The following ZNF385D variants were observed in gnomAD, a reference collection of about 807,000 sequenced individuals.
ZNF385D encodes zinc finger protein 659.
Under a neutral mutation model 35.8 loss-of-function variants are expected in ZNF385D, and 15 were observed. The observed-to-expected ratio is 0.42, with a 90% CI of 0.28 to 0.64. The LOEUF (loss-of-function observed/expected upper bound fraction) is 0.64. Ranked by LOEUF, ZNF385D falls within the 30% of genes least tolerant of loss-of-function variation. The pLI, the probability that ZNF385D is intolerant of heterozygous loss-of-function variation, is 0.23. For missense variants in ZNF385D, 474 were observed against 494.6 expected (o/e 0.96, Z 0.39); for synonymous variants, 212 against 186.8 (o/e 1.13, Z -1.10).
intron 2 of ZNF385D, among the ~76,000 whole-genome samples, chr3:22,273,982 T>C (rs1441135075): frequency 2.0e-5 from 3 of 152,054 alleles, no homozygotes; most frequent in Non-Finnish European, 4.4e-5. Context: ...TAGCAAAGTA[T>C]ATTCTGGTAG....
chr3:21,676,431 G>C (rs2066732195), intron 1 of ZNF385D, among the ~76,000 whole-genome samples: 1 of 152,020 alleles, frequency 6.6e-6, no homozygotes, highest in South Asian at 2.1e-4. Context: ...TTAGTCTTTG[G>C]AGAAGATGTA....
intron 2 of ZNF385D, among the ~76,000 whole-genome samples, chr3:22,230,634 A>C (rs1559467064): frequency 6.6e-6 from 1 of 152,192 alleles, no homozygotes. Flanking sequence ...ACCCTACATT[A>C]ATTGTTCAAG....
intron 3 of ZNF385D, among the ~76,000 whole-genome samples, chr3:21,974,434 T>C (rs1446785599): frequency 6.6e-6 from 1 of 152,066 alleles, no homozygotes; most frequent in Non-Finnish European, 1.5e-5. Context: ...CAAAATGGAT[T>C]AAACACTTAA....
chr3:21,464,969 A>C (rs1703424221), intron 4 of ZNF385D, among the ~76,000 whole-genome samples: 1 of 152,158 alleles, frequency 6.6e-6, no homozygotes, highest in South Asian at 2.1e-4. Context: ...TGAGACCATC[A>C]TGTGACCCCA....
intron 2 of ZNF385D, among the ~76,000 whole-genome samples, chr3:22,255,277 C>T (rs1700258308): frequency 6.6e-6 from 1 of 151,320 alleles, no homozygotes; most frequent in Admixed American, 6.6e-5. Flanking sequence ...GTATTCCCCC[C>T]CCCAAAATTG....
intron 3 of ZNF385D, among the ~76,000 whole-genome samples, chr3:22,029,733 G>C (rs539076613): frequency 1.3e-5 from 2 of 152,170 alleles, no homozygotes; most frequent in African/African-American, 4.8e-5. Context: ...TAGTATTTGG[G>C]TTGGGGATTG....
At chr3:22,116,665 G>C (rs1702827455) in intron 3 of ZNF385D, among the ~76,000 whole-genome samples, 1 of 152,042 alleles carries the variant, frequency 6.6e-6, no homozygotes, top group Non-Finnish European at 1.5e-5. Flanking sequence ...ATCACACATA[G>C]TTGATTTGAA....
intron 3 of ZNF385D, among the ~76,000 whole-genome samples, chr3:22,149,562 G>A (rs1223739705): frequency 6.6e-6 from 1 of 152,112 alleles, no homozygotes; most frequent in African/African-American, 2.4e-5. Context: ...ATTTCACCAG[G>A]TACTCAGGTG....
At chr3:22,155,138 T>C (rs961520606) in intron 3 of ZNF385D, among the ~76,000 whole-genome samples, 1 of 152,126 alleles carries the variant, frequency 6.6e-6, no homozygotes, top group Non-Finnish European at 1.5e-5. Context: ...ACACATTGTA[T>C]GAATATATAA....
intron 2 of ZNF385D, among the ~76,000 whole-genome samples, chr3:22,224,788 G>T (rs1698458481): frequency 1.3e-5 from 2 of 152,130 alleles, no homozygotes; most frequent in Non-Finnish European, 2.9e-5. Flanking sequence ...CCCTAAGTTG[G>T]TCCAACTTTC....
intron 3 of ZNF385D, among the ~76,000 whole-genome samples, chr3:21,802,925 A>C (rs920788697): frequency 6.6e-6 from 1 of 152,180 alleles, no homozygotes; most frequent in Non-Finnish European, 1.5e-5. Flanking sequence ...GGAACAAGGA[A>C]AGATGTTGGG....
chr3:22,084,886 C>T (rs1700944599), intron 3 of ZNF385D, among the ~76,000 whole-genome samples: 1 of 152,218 alleles, frequency 6.6e-6, no homozygotes, highest in Non-Finnish European at 1.5e-5. Flanking sequence ...TCTCAGACCA[C>T]AGTGCAATCA....
chr3:22,088,958 G>A (rs1474066928), intron 3 of ZNF385D, among the ~76,000 whole-genome samples: 1 of 152,060 alleles, frequency 6.6e-6, no homozygotes, highest in East Asian at 1.9e-4. Context: ...TTTTTTTAAA[G>A]AACACTCTTA....
At chr3:21,944,274 C>T (rs522590) in intron 3 of ZNF385D, among the ~76,000 whole-genome samples, 2 of 152,016 alleles carry the variant, frequency 1.3e-5, no homozygotes, top group African/African-American at 4.8e-5. Flanking sequence ...AATAGAAGGT[C>T]GTCTCTGCAG....
intron 1 of ZNF385D, among the ~76,000 whole-genome samples, chr3:21,686,697 G>T (rs530111815): frequency 5.9e-5 from 9 of 152,246 alleles, no homozygotes; most frequent in Admixed American, 5.9e-4. Context: ...GTGTGCAGTC[G>T]CCACATGTGG....
chr3:21,971,285 A>T (rs756569907), intron 3 of ZNF385D, among the ~76,000 whole-genome samples: 1 of 152,102 alleles, frequency 6.6e-6, no homozygotes, highest in African/African-American at 2.4e-5. Flanking sequence ...AGCATAATAA[A>T]TAAATGGAAA....
chr3:22,047,108 C>G (rs931709692), intron 3 of ZNF385D, among the ~76,000 whole-genome samples: 3 of 152,106 alleles, frequency 2.0e-5, no homozygotes, highest in African/African-American at 7.2e-5. Flanking sequence ...TTCTGACATT[C>G]TTGTTGATTG....
chr3:22,140,494 T>C (rs138030839), intron 3 of ZNF385D, among the ~76,000 whole-genome samples: 21 of 152,288 alleles, frequency 1.4e-4, no homozygotes, highest in Middle Eastern at 3.4e-3. Flanking sequence ...TATGAAAATG[T>C]ATCTATGTGA....
chr3:21,809,577 T>A (rs543583114), intron 3 of ZNF385D, among the ~76,000 whole-genome samples: 1 of 151,094 alleles, frequency 6.6e-6, no homozygotes, highest in East Asian at 1.9e-4. Context: ...AACCCTATAA[T>A]CAATATACAA....
Sources: allele counts gnomAD v4.1 joint callset (sites outside exome capture counted in the v4.1 genomes callset), GRCh38; gene constraint gnomAD v4.1.1; transcripts MANE v1.5; gene names NCBI Gene and HGNC (gene_info 2026-07-23, HGNC 2026-07-21).